The following LRRC4C variants were observed in gnomAD, a reference collection of about 807,000 sequenced individuals.
LRRC4C encodes the protein leucine rich repeat containing 4C, also known as leucine-rich repeat-containing protein 4C.
LRRC4C carries 5 observed loss-of-function variants against 33.6 expected under a neutral mutation model. The observed-to-expected ratio is 0.15, with a 90% CI of 0.08 to 0.31. The LOEUF (loss-of-function observed/expected upper bound fraction) is 0.31. Among genes scored for constraint, LRRC4C ranks in the 10% least tolerant of loss-of-function variants. The probability of loss-of-function intolerance (pLI) is 1.00; values close to 1 mark genes in which losing one functional copy is unlikely to be tolerated. For missense variants in LRRC4C, 560 were observed against 796.7 expected, an observed-to-expected ratio of 0.70 and a Z score of 3.58; for synonymous variants, 329 against 302.0, an observed-to-expected ratio of 1.09 and a Z score of -0.93.
At chr11:40,280,152 T>C (rs1164638908) in intron 4 of LRRC4C, among the ~76,000 whole-genome samples, 1 of 152,126 alleles carries the variant, frequency 6.6e-6, no homozygotes, top group Non-Finnish European at 1.5e-5. Context: ...TTCCTCTCAA[T>C]AAACACCTAG....
chr11:40,887,038 A>G (rs1485255425), intron 2 of LRRC4C, among the ~76,000 whole-genome samples: 1 of 151,364 alleles, frequency 6.6e-6, no homozygotes, highest in Non-Finnish European at 1.5e-5. Context: ...ATATATATAT[A>G]CATATAGAAA....
chr11:40,213,240 T>G (rs1356696096), intron 5 of LRRC4C, among the ~76,000 whole-genome samples: 2 of 152,168 alleles, frequency 1.3e-5, no homozygotes, highest in Non-Finnish European at 2.9e-5. Flanking sequence ...TAGAAGATAT[T>G]CAGTTATGCC....
chr11:41,393,616 C>G (rs142954176), intron 1 of LRRC4C, among the ~76,000 whole-genome samples: 1 of 151,970 alleles, frequency 6.6e-6, no homozygotes, highest in Non-Finnish European at 1.5e-5. Flanking sequence ...CATAAAAGCA[C>G]TCAAGAAGAG....
At chr11:40,466,968 T>C (rs76908560) in intron 3 of LRRC4C, among the ~76,000 whole-genome samples, 2,487 of 152,222 alleles carry the variant, frequency 0.016, 87 homozygotes, top group African/African-American at 0.056. Context: ...AAATTGTACT[T>C]TTGTTTGATG....
chr11:41,441,081 G>A (rs1955603205), intron 1 of LRRC4C, among the ~76,000 whole-genome samples: 1 of 152,076 alleles, frequency 6.6e-6, no homozygotes, highest in South Asian at 2.1e-4. Flanking sequence ...TGTTTTTAAG[G>A]ACTATTTAAT....
At chr11:41,145,381 C>G (rs1943684547) in intron 1 of LRRC4C, among the ~76,000 whole-genome samples, 1 of 150,716 alleles carries the variant, frequency 6.6e-6, no homozygotes, top group African/African-American at 2.4e-5. Context: ...CTTTTCTTGC[C>G]TCTATCACAA....
intron 1 of LRRC4C, among the ~76,000 whole-genome samples, chr11:41,172,896 T>A (rs1171664849): frequency 6.6e-6 from 1 of 152,098 alleles, no homozygotes; most frequent in Non-Finnish European, 1.5e-5. Flanking sequence ...GGAAGGGGCC[T>A]TAGATATTGT....
At chr11:40,390,767 C>G (rs955807079) in intron 3 of LRRC4C, among the ~76,000 whole-genome samples, 2 of 152,300 alleles carry the variant, frequency 1.3e-5, no homozygotes, top group Non-Finnish European at 2.9e-5. Flanking sequence ...TTCTGTAACA[C>G]AGATTCCTGC....
At chr11:41,242,396 T>C (rs1948288578) in intron 1 of LRRC4C, among the ~76,000 whole-genome samples, 2 of 152,162 alleles carry the variant, frequency 1.3e-5, no homozygotes, top group Admixed American at 6.6e-5. Context: ...CCATTTGTGC[T>C]ACAGGCATGC....
At chr11:40,381,630 C>T (rs560742147) in intron 3 of LRRC4C, among the ~76,000 whole-genome samples, 16 of 152,100 alleles carry the variant, frequency 1.1e-4, no homozygotes, top group African/African-American at 3.6e-4. Flanking sequence ...ATGCTGTATA[C>T]GGGGTAAGTT....
intron 1 of LRRC4C, among the ~76,000 whole-genome samples, chr11:41,429,365 G>C (rs752227696): frequency 6.6e-6 from 1 of 152,108 alleles, no homozygotes; most frequent in East Asian, 1.9e-4. Flanking sequence ...ATACAGGACT[G>C]ATGTCAAACA....
At chr11:40,553,614 C>T (rs1957214933) in intron 3 of LRRC4C, among the ~76,000 whole-genome samples, 1 of 152,064 alleles carries the variant, frequency 6.6e-6, no homozygotes, top group African/African-American at 2.4e-5. Context: ...TAATGATAGC[C>T]ATTCTGACTA....
chr11:40,882,700 T>C (rs151050203), intron 2 of LRRC4C, among the ~76,000 whole-genome samples: 1 of 152,222 alleles, frequency 6.6e-6, no homozygotes, highest in East Asian at 1.9e-4. Context: ...TTTATTGCTA[T>C]TTTAGGACTT....
At chr11:40,898,722 T>C (rs1466911001) in intron 2 of LRRC4C, among the ~76,000 whole-genome samples, 3 of 152,040 alleles carry the variant, frequency 2.0e-5, no homozygotes, top group Non-Finnish European at 4.4e-5. Flanking sequence ...ACAGAAAATG[T>C]TTAAGGTATG....
At chr11:40,309,212 T>C (rs1244902102) in intron 4 of LRRC4C, among the ~76,000 whole-genome samples, 1 of 152,228 alleles carries the variant, frequency 6.6e-6, no homozygotes, top group Non-Finnish European at 1.5e-5. Context: ...ACTAATCTAC[T>C]TTCTATTTCT....
At chr11:40,656,294 C>A (rs10837462) in intron 2 of LRRC4C, among the ~76,000 whole-genome samples, 29,556 of 151,144 alleles carry the variant, frequency 0.2, 3,200 homozygotes, top group East Asian at 0.47. Flanking sequence ...CTTGTTTTCT[C>A]CTTTTTTCCC....
intron 1 of LRRC4C, among the ~76,000 whole-genome samples, chr11:41,289,295 C>T (rs1039971470): frequency 4.6e-5 from 7 of 152,060 alleles, no homozygotes; most frequent in Non-Finnish European, 1.0e-4. Flanking sequence ...TTTTCCATCT[C>T]AAAAATAAGC....
intron 5 of LRRC4C, among the ~76,000 whole-genome samples, chr11:40,180,499 G>A (rs915898276): frequency 5.3e-5 from 8 of 152,188 alleles, no homozygotes; most frequent in African/African-American, 1.9e-4. Context: ...ATTACCAGAA[G>A]TATGTTCTAC....
intron 2 of LRRC4C, among the ~76,000 whole-genome samples, chr11:40,720,115 C>A (rs1413776226): frequency 1.3e-5 from 2 of 152,096 alleles, no homozygotes; most frequent in Non-Finnish European, 2.9e-5. Context: ...ACTCATGTTT[C>A]TTTTCCCATC....
Sources: gnomAD v4.1 joint callset for allele counts (sites outside exome capture counted in the v4.1 genomes callset) on GRCh38, gnomAD v4.1.1 for gene constraint, MANE v1.5 for transcripts, NCBI Gene and HGNC (gene_info 2026-07-23, HGNC 2026-07-21) for gene names.